The following PLPPR5 variants were observed in gnomAD, a reference collection of about 807,000 sequenced individuals.
The protein encoded by PLPPR5 is phospholipid phosphatase related 5, also known as phospholipid phosphatase-related protein type 5.
Under a neutral mutation model 33.9 loss-of-function variants are expected in PLPPR5, and 16 were observed. The observed-to-expected ratio is 0.47, with a 90% CI of 0.32 to 0.72. The LOEUF (loss-of-function observed/expected upper bound fraction) is 0.72, where lower values mean the gene tolerates loss of function less well. Ranked by LOEUF, PLPPR5 falls within the 30% of genes least tolerant of loss-of-function variation. The probability of loss-of-function intolerance (pLI) is 0.03; values close to 1 mark genes in which losing one functional copy is unlikely to be tolerated. For missense variants in PLPPR5, 301 were observed against 406.7 expected (o/e 0.74, Z 2.23); for synonymous variants, 163 against 150.3 (o/e 1.08, Z -0.62).
chr1:98,978,075 G>C (rs1380361075), intron 1 of PLPPR5, among the ~76,000 whole-genome samples: 1 of 151,924 alleles, frequency 6.6e-6, no homozygotes, highest in Admixed American at 6.6e-5. Context: ...AAATGCAAGA[G>C]GAGAAAAGTA....
intron 3 of PLPPR5, among the ~76,000 whole-genome samples, chr1:98,939,188 T>A (rs953841952): frequency 4.0e-5 from 6 of 151,710 alleles, no homozygotes; most frequent in Admixed American, 6.6e-5. Context: ...ATAGTATATT[T>A]TAAAAATATA....
At position 98,963,087 on chromosome 1, in the gene PLPPR5, G is replaced by A. The variant is rs911615694; in HGVS notation, c.238-6346C>T. Among the ~76,000 whole-genome samples the A allele has an allele frequency of 2.0e-5, 3 of 152,154 alleles. No homozygotes were observed. The South Asian group carries it at 6.2e-4, about 31-fold the overall frequency. On this transcript the variant is annotated intron_variant, in intron 1 of 5. Coordinates refer to ENST00000263177, the MANE Select transcript of PLPPR5 (RefSeq NM_001037317.2). Reference sequence around the variant, plus strand: ...TTCCTACATAGCCTTCAGACACTCTGTGCTCTAGTCACAGCTAAGCATTTT... The same window carrying A: ...TTCCTACATAGCCTTCAGACACTCTATGCTCTAGTCACAGCTAAGCATTTT...
intron 1 of PLPPR5, among the ~76,000 whole-genome samples, chr1:98,989,079 G>A (rs1229812922): frequency 6.6e-6 from 1 of 152,112 alleles, no homozygotes; most frequent in Non-Finnish European, 1.5e-5. Flanking sequence ...TAACTGAACA[G>A]GGAGGAGTCT....
Position 98,892,250 on chromosome 1 carries a change from A to G in PLPPR5, c.*822T>C, listed in dbSNP as rs1360138059. 6.6e-6 allele frequency: 1 copy of G among 152,350 alleles called. No homozygotes were observed. Among genetic ancestry groups the G allele is most frequent in the Middle Eastern group, 3.2e-3 (1 of 316 alleles). The allele number at this position is 152,350 out of a possible 1,614,324, so 9.4% of individuals were successfully genotyped here. A position where few individuals can be genotyped will look rare whatever the true frequency, so the allele number is the denominator to read the frequency against. On this transcript the variant is annotated 3_prime_UTR_variant, in exon 6 of 6. Coordinates refer to ENST00000263177, the MANE Select transcript of PLPPR5 (RefSeq NM_001037317.2). ...GACCACTCTTGAGACACTGCTACCCATGGGAAATTACTCAATAATAAGGTA... is the reference window on the plus strand; with the variant it reads ...GACCACTCTTGAGACACTGCTACCCGTGGGAAATTACTCAATAATAAGGTA...
At position 98,983,934 on chromosome 1, in the gene PLPPR5, G is replaced by A. The variant is rs190994322; in HGVS notation, c.237+20501C>T. On this transcript the variant is annotated intron_variant, in intron 1 of 5. Transcript: ENST00000263177. The stretch of plus-strand genomic sequence containing the variant: ...CATGTCCTTCGCCCACTTTTTGATG[G>A]GTTGTTTTTTTCTTTTTTTTTTTTT... Among the ~76,000 whole-genome samples, 213 of 147,214 alleles carry A rather than the reference G, an allele frequency of 1.4e-3. 4 individuals are homozygous for A. The highest frequency in any genetic ancestry group is 5.0e-3 in the African/African-American group (201 of 40,050).
chr1:99,001,671 G>T lies in PLPPR5; in HGVS notation c.237+2764C>A, dbSNP rs868055947. Among the ~76,000 whole-genome samples, 419 of 102,148 alleles carry T rather than the reference G, an allele frequency of 4.1e-3. 6 individuals are homozygous for T. Among genetic ancestry groups the T allele is most frequent in the African/African-American group, 0.016 (403 of 25,608 alleles). The allele number at this position is 102,148 out of a possible 152,430, so 67.0% of individuals were successfully genotyped here. On this transcript the variant is annotated intron_variant, in intron 1 of 5. Transcript: ENST00000263177. Reference sequence around the variant, plus strand: ...ACTAGAAATGAGTTTGAAAGTTAAAGATATATATATATATATATATATATA... The same window carrying T: ...ACTAGAAATGAGTTTGAAAGTTAAATATATATATATATATATATATATATA...
At chr1:98,914,695 T>G (rs749790367) in intron 5 of PLPPR5, 91 bp downstream of exon 5, 18 of 1,185,580 alleles carry the variant, frequency 1.5e-5, no homozygotes, top group Non-Finnish European at 2.1e-5. Context: ...TAAATCAACA[T>G]AAACTGTGTG....
chr1:98,945,056 G>A (rs2101198194), intron 3 of PLPPR5, among the ~76,000 whole-genome samples: 1 of 152,320 alleles, frequency 6.6e-6, no homozygotes, highest in Non-Finnish European at 1.5e-5. Context: ...CTACCATGGA[G>A]TTCTACCCAG....
intron 5 of PLPPR5, among the ~76,000 whole-genome samples, chr1:98,909,414 A>C (rs1649037861): frequency 6.6e-6 from 1 of 151,354 alleles, no homozygotes; most frequent in Admixed American, 6.6e-5. Flanking sequence ...TGATTTTATT[A>C]TATATACATT....
chr1:98,979,365 G>C (rs1309237291), intron 1 of PLPPR5, among the ~76,000 whole-genome samples: 1 of 151,970 alleles, frequency 6.6e-6, no homozygotes, highest in African/African-American at 2.4e-5. Context: ...TTAAGCCTCA[G>C]TTTTATCATC....
chr1:98,935,319 A>C (rs984576564), intron 3 of PLPPR5, among the ~76,000 whole-genome samples: 1 of 152,200 alleles, frequency 6.6e-6, no homozygotes, highest in African/African-American at 2.4e-5. Context: ...TCAACCAGCA[A>C]GAGTAGGGGC....
At chr1:98,952,868 C>A (rs1650839868) in intron 3 of PLPPR5, among the ~76,000 whole-genome samples, 1 of 152,136 alleles carries the variant, frequency 6.6e-6, no homozygotes, top group Non-Finnish European at 1.5e-5. Flanking sequence ...CAACCAACTA[C>A]CCACACATAA....
intron 5 of PLPPR5, among the ~76,000 whole-genome samples, chr1:98,895,153 C>A (rs1648425228): frequency 6.6e-6 from 1 of 151,946 alleles, no homozygotes; most frequent in Non-Finnish European, 1.5e-5. Context: ...ATAGGTGAGG[C>A]CTAATGGGAG....
intron 5 of PLPPR5, among the ~76,000 whole-genome samples, chr1:98,904,129 C>T (rs72728601): frequency 0.19 from 28,718 of 152,044 alleles, 2,911 homozygotes; most frequent in Non-Finnish European, 0.21. Context: ...ATCACTTTCA[C>T]TCAGCTGATG....
intron 1 of PLPPR5, among the ~76,000 whole-genome samples, chr1:98,970,658 T>C (rs1651626222): frequency 6.6e-6 from 1 of 151,934 alleles, no homozygotes; most frequent in South Asian, 2.1e-4. Context: ...AACTCCCCTA[T>C]GAGGTTGATA....
In PLPPR5 at chr1:99,002,487, C is replaced by T. The variant is rs181292531; in HGVS notation, c.237+1948G>A. 2.6e-5 allele frequency among the ~76,000 whole-genome samples: 4 copies of T among 152,170 alleles called. No homozygotes were observed. In the East Asian group the frequency reaches 5.8e-4, roughly 22 times the overall value. ...CCTTTTTTTTTGTTTTCAGATATTC[C>T]TTATTATCTGAACCTCACTTTCTTC... On this transcript the variant is annotated intron_variant, in intron 1 of 5. Transcript: ENST00000263177.
intron 3 of PLPPR5, among the ~76,000 whole-genome samples, chr1:98,948,187 G>A (rs1423754035): frequency 6.6e-6 from 1 of 152,140 alleles, no homozygotes; most frequent in Non-Finnish European, 1.5e-5. Context: ...CTCCTGTACA[G>A]AATTAGGTAA....
chr1:98,898,098 G>A lies in PLPPR5; in HGVS notation c.934-4994C>T, dbSNP rs1309862798. On this transcript the variant is annotated intron_variant, in intron 5 of 5. Transcript: ENST00000263177. Reference sequence around the variant, plus strand: ...AACAAAGTTTAAAACCCAACAAAATGTTTCTTTTAAGATTGATGCAAACTC... The same window carrying A: ...AACAAAGTTTAAAACCCAACAAAATATTTCTTTTAAGATTGATGCAAACTC... Among the ~76,000 whole-genome samples, 5 of 152,132 alleles carry A rather than the reference G, an allele frequency of 3.3e-5. No homozygotes were observed. The East Asian group carries it at 9.7e-4, about 29-fold the overall frequency.
intron 5 of PLPPR5, among the ~76,000 whole-genome samples, chr1:98,896,636 A>C (rs1278160888): frequency 6.6e-6 from 1 of 152,104 alleles, no homozygotes; most frequent in Non-Finnish European, 1.5e-5. Flanking sequence ...ACAGCAAACC[A>C]CTGAGCAAAA....
Sources: allele counts gnomAD v4.1 joint callset (sites outside exome capture counted in the v4.1 genomes callset), GRCh38; gene constraint gnomAD v4.1.1; transcripts MANE v1.5; gene names NCBI Gene and HGNC (gene_info 2026-07-23, HGNC 2026-07-21).